SNTB1: variants seen among roughly 807,000 people sequenced by gnomAD.
SNTB1 encodes the protein beta-1-syntrophin.
Under a neutral mutation model 48.9 loss-of-function variants are expected in SNTB1, and 36 were observed. The observed-to-expected ratio is 0.74, with a 90% CI of 0.56 to 0.97. SNTB1 has a LOEUF of 0.97. Among genes scored for constraint, SNTB1 ranks in the 50% least tolerant of loss-of-function variants. The pLI, the probability that SNTB1 is intolerant of heterozygous loss-of-function variation, is 0.00. For synonymous variants in SNTB1, 299 were observed against 294.6 expected, an observed-to-expected ratio of 1.01 and a Z score of -0.15; for missense variants, 786 against 703.4, an observed-to-expected ratio of 1.12 and a Z score of -1.33.
intron 1 of SNTB1, among the ~76,000 whole-genome samples, chr8:120,755,200 GAAGA>G (rs1230120981): frequency 6.6e-6 from 1 of 151,412 alleles, no homozygotes; most frequent in Non-Finnish European, 1.5e-5. Flanking sequence ...GAGAGAGAGA[GAAGA>G]AAGAGAGAGA....
chr8:120,762,050 T>C (rs1346163550), intron 1 of SNTB1, among the ~76,000 whole-genome samples: 1 of 152,218 alleles, frequency 6.6e-6, no homozygotes, highest in Non-Finnish European at 1.5e-5. Flanking sequence ...TCTTAACTTC[T>C]CAGTTTTCCA....
At chr8:120,787,580 C>T (rs984642208) in intron 1 of SNTB1, among the ~76,000 whole-genome samples, 1 of 151,928 alleles carries the variant, frequency 6.6e-6, no homozygotes, top group African/African-American at 2.4e-5. Flanking sequence ...ATTTAGGTAA[C>T]TATAAAATGC....
intron 3 of SNTB1, among the ~76,000 whole-genome samples, chr8:120,620,027 C>T (rs1816768570): frequency 6.6e-6 from 1 of 152,104 alleles, no homozygotes; most frequent in South Asian, 2.1e-4. Flanking sequence ...ATCAATATTT[C>T]AGTAAAAAAA....
chr8:120,775,707 CAAGGAAGGAAGGAAGGAAGGAAGG>C (rs371412589), intron 1 of SNTB1, among the ~76,000 whole-genome samples: 3 of 114,408 alleles, frequency 2.6e-5, no homozygotes, highest in African/African-American at 1.0e-4. Context: ...GGGAAGGAGA[CAAGGAAGGAAGGAAGGAAGGAAGG>C]AAGGAAGGAA....
At chr8:120,795,725 G>T (rs955816072) in intron 1 of SNTB1, among the ~76,000 whole-genome samples, 1 of 151,966 alleles carries the variant, frequency 6.6e-6, no homozygotes, top group African/African-American at 2.4e-5. Context: ...TCAAGATCCA[G>T]GTGTCAGCAG....
chr8:120,795,239 G>A (rs1406003343), intron 1 of SNTB1, among the ~76,000 whole-genome samples: 1 of 147,608 alleles, frequency 6.8e-6, no homozygotes, highest in African/African-American at 2.6e-5. Context: ...TTAGCAAGTG[G>A]AGAAGTTAAA....
chr8:120,770,345 A>G (rs1343892930), intron 1 of SNTB1, among the ~76,000 whole-genome samples: 2 of 152,058 alleles, frequency 1.3e-5, no homozygotes, highest in Non-Finnish European at 2.9e-5. Flanking sequence ...CACATTCCCT[A>G]CAGACGACAT....
chr8:120,681,479 A>G (rs570849140), intron 2 of SNTB1, among the ~76,000 whole-genome samples: 2 of 152,200 alleles, frequency 1.3e-5, no homozygotes, highest in Admixed American at 6.5e-5. Context: ...CACAACCTGC[A>G]TGGGCTCAGA....
intron 4 of SNTB1, among the ~76,000 whole-genome samples, chr8:120,572,626 C>T (rs1047469008): frequency 2.2e-4 from 34 of 152,276 alleles, no homozygotes; most frequent in African/African-American, 6.7e-4. Context: ...TTGAGAAGAA[C>T]GTCCATAATC....
At chr8:120,568,769 C>T (rs1290600964) in intron 4 of SNTB1, among the ~76,000 whole-genome samples, 1 of 152,208 alleles carries the variant, frequency 6.6e-6, no homozygotes, top group East Asian at 1.9e-4. Context: ...GGGCTACCAG[C>T]CAGAGACCAG....
intron 1 of SNTB1, chr8:120,776,674 C>T (rs1819741176): frequency 6.6e-6 from 1 of 152,164 alleles, no homozygotes; most frequent in Admixed American, 6.5e-5. Context: ...TTTATGAATA[C>T]AAGGCCTCCT....
chr8:120,727,912 A>T (rs1818787674), intron 1 of SNTB1, among the ~76,000 whole-genome samples: 1 of 152,228 alleles, frequency 6.6e-6, no homozygotes, highest in Admixed American at 6.5e-5. Context: ...TTCCTAGGCA[A>T]GTCTTTCTGA....
intron 2 of SNTB1, among the ~76,000 whole-genome samples, chr8:120,693,021 G>A (rs1818153779): frequency 1.3e-5 from 2 of 152,158 alleles, no homozygotes; most frequent in Admixed American, 1.3e-4. Context: ...GGGCTTCAGG[G>A]AGATTCCACT....
intron 4 of SNTB1, among the ~76,000 whole-genome samples, chr8:120,553,407 T>C (rs899486207): frequency 6.6e-6 from 1 of 152,210 alleles, no homozygotes; most frequent in Non-Finnish European, 1.5e-5. Context: ...TAAAGCAAAT[T>C]GTCTTTTCAC....
chr8:120,771,927 T>A (rs1361641266), intron 1 of SNTB1, among the ~76,000 whole-genome samples: 3 of 152,202 alleles, frequency 2.0e-5, no homozygotes, highest in Non-Finnish European at 2.9e-5. Context: ...TGGAGTGCAG[T>A]GGCACGCACT....
intron 3 of SNTB1, among the ~76,000 whole-genome samples, chr8:120,606,555 G>A (rs1270199958): frequency 1.3e-5 from 2 of 151,790 alleles, no homozygotes; most frequent in African/African-American, 4.8e-5. Flanking sequence ...TGAATAGGCA[G>A]GTATTATCAC....
chr8:120,582,809 T>C (rs1386621500), intron 3 of SNTB1, among the ~76,000 whole-genome samples: 1 of 152,014 alleles, frequency 6.6e-6, no homozygotes, highest in Non-Finnish European at 1.5e-5. Flanking sequence ...ACCTAATGCA[T>C]GCGGGGCTTA....
intron 4 of SNTB1, among the ~76,000 whole-genome samples, chr8:120,557,604 T>C: frequency 6.6e-6 from 1 of 152,174 alleles, no homozygotes; most frequent in Non-Finnish European, 1.5e-5. Flanking sequence ...TTGATCTCTT[T>C]CTGGAGATAG....
intron 1 of SNTB1, among the ~76,000 whole-genome samples, chr8:120,706,816 T>C (rs989053194): frequency 6.6e-6 from 1 of 152,106 alleles, no homozygotes; most frequent in African/African-American, 2.4e-5. Flanking sequence ...CAAATCAAAC[T>C]TGGGGCTCAG....
Sources: allele counts gnomAD v4.1 joint callset (sites outside exome capture counted in the v4.1 genomes callset), GRCh38; gene constraint gnomAD v4.1.1; transcripts MANE v1.5; gene names NCBI Gene and HGNC (gene_info 2026-07-23, HGNC 2026-07-21).